The following CCDC50 variants were observed in gnomAD, a reference collection of about 807,000 sequenced individuals.
The protein encoded by CCDC50 is coiled-coil domain-containing protein 50.
In CCDC50, 54 loss-of-function variants were observed where a neutral mutation model predicts 70.2. That is an observed-to-expected ratio of 0.77 (90% CI 0.62 to 0.96). The LOEUF (loss-of-function observed/expected upper bound fraction) is 0.96, where lower values mean the gene tolerates loss of function less well. CCDC50 is among the 50% of genes least tolerant of loss of function. CCDC50 has a pLI of 0.00. For synonymous variants in CCDC50, 216 were observed against 198.8 expected (o/e 1.09, Z -0.73); for missense variants, 558 against 578.7 (o/e 0.96, Z 0.37).
intron 10 of CCDC50, among the ~76,000 whole-genome samples, chr3:191,388,647 C>T (rs541554122): frequency 3.1e-4 from 47 of 152,268 alleles, no homozygotes; most frequent in African/African-American, 1.1e-3. Flanking sequence ...TGACAGAGCC[C>T]ATTGTACCAA....
intron 1 of CCDC50, among the ~76,000 whole-genome samples, chr3:191,331,307 A>G (rs1256018259): frequency 1.3e-5 from 2 of 152,220 alleles, no homozygotes; most frequent in Non-Finnish European, 2.9e-5. Flanking sequence ...GTGAAAAAAC[A>G]TAAAACTCTT....
chr3:191,329,952 G>A (rs1023636180), intron 1 of CCDC50, among the ~76,000 whole-genome samples: 3 of 142,386 alleles, frequency 2.1e-5, no homozygotes, highest in Non-Finnish European at 3.1e-5. Context: ...TGGGGGGGGG[G>A]GGGGCTAGCA....
chr3:191,366,719 T>G (rs893961680), intron 4 of CCDC50, among the ~76,000 whole-genome samples: 3 of 152,084 alleles, frequency 2.0e-5, no homozygotes, highest in African/African-American at 7.2e-5. Flanking sequence ...ATATGCATCT[T>G]AAAGAGTTAT....
chr3:191,375,419 C>G lies in CCDC50; in HGVS notation c.806C>G (p.Ser269Cys). ...CAGACTCGAAATTGGGAAAAACAGTCTCGACACCAAGATCGACTTTCACCC... is the reference window on the plus strand; with the variant it reads ...CAGACTCGAAATTGGGAAAAACAGTGTCGACACCAAGATCGACTTTCACCC... ...NHQTRNWEKQ[S>C]RHQDRLSPKS... is the part of the protein sequence containing the mutation. Residue 269 changes from serine (S) to cysteine (C), a missense_variant, in exon 6 of 12, where the codon TCT (serine) becomes TGT (cysteine). By Grantham distance (112) the Ser-to-Cys change is moderately radical. Transcript: ENST00000392455. 6.2e-7 allele frequency: 1 copy of G among 1,613,758 alleles called. No individual in the cohort carries two copies. Among genetic ancestry groups the G allele is most frequent in the Non-Finnish European group, 8.5e-7 (1 of 1,179,846 alleles).
At chr3:191,357,230 TG>T (rs1239151752) in intron 2 of CCDC50, 80 bp downstream of exon 2, 9 of 1,108,980 alleles carry the variant, frequency 8.1e-6, no homozygotes, top group Non-Finnish European at 1.1e-5. Flanking sequence ...AGGGCTTAGG[TG>T]GGGAGAGAGC....
chr3:191,367,020 A>ACTTGTG (rs1395880248), intron 4 of CCDC50, among the ~76,000 whole-genome samples: 2 of 152,086 alleles, frequency 1.3e-5, no homozygotes, highest in Admixed American at 1.3e-4. Context: ...AGGAGAACGG[A>ACTTGTG]CTTGTGCTAA....
chr3:191,390,035 ATT>A (rs35432894), intron 11 of CCDC50, among the ~76,000 whole-genome samples: 1 of 150,930 alleles, frequency 6.6e-6, no homozygotes, highest in Non-Finnish European at 1.5e-5. Context: ...TAATTTCTGT[ATT>A]TTTTTTGTAG....
intron 1 of CCDC50, among the ~76,000 whole-genome samples, chr3:191,330,994 G>T (rs1206311626): frequency 6.6e-6 from 1 of 152,158 alleles, no homozygotes; most frequent in Non-Finnish European, 1.5e-5. Context: ...TGAAGACTTA[G>T]GGCTTTCACC....
At position 191,370,041 on chromosome 3, in the gene CCDC50, C is replaced by G. The variant is rs1036708407; in HGVS notation, c.448+5C>G. The G allele has an allele frequency of 5.9e-6, 9 of 1,521,870 alleles. No individual in the cohort carries two copies. Among genetic ancestry groups the G allele is most frequent in the Admixed American group, 1.7e-5 (1 of 59,840 alleles). The allele number at this position is 1,521,870 out of a possible 1,614,324, so 94.3% of individuals were successfully genotyped here. A position where few individuals can be genotyped will look rare whatever the true frequency, so the allele number is the denominator to read the frequency against. On this transcript the variant is annotated splice_donor_5th_base_variant and intron_variant, in intron 5 of 11. Coordinates refer to ENST00000392455, the MANE Select transcript of CCDC50 (RefSeq NM_178335.3). ...GTTACTATTATGAAGATGGAGGTAA[C>G]AATTCCTGCATCATGATCTATTCTA...
intron 4 of CCDC50, among the ~76,000 whole-genome samples, chr3:191,364,317 T>G (rs1460091657): frequency 2.0e-5 from 3 of 151,818 alleles, no homozygotes; most frequent in African/African-American, 7.3e-5. Flanking sequence ...TCCGCCCACC[T>G]CAGCCTCCCA....
chr3:191,340,596 A>G (rs903215839), intron 1 of CCDC50, among the ~76,000 whole-genome samples: 2 of 152,250 alleles, frequency 1.3e-5, no homozygotes, highest in Admixed American at 1.3e-4. Flanking sequence ...CTATAATTAC[A>G]TAATCTTCAC....
rs1304886281 is a variant in CCDC50 at position 191,347,452 on chromosome 3, C to T, written c.50-9636C>T. On this transcript the variant is annotated intron_variant, in intron 1 of 11. Coordinates refer to ENST00000392455, the MANE Select transcript of CCDC50 (RefSeq NM_178335.3). ...TATCTGCTTTAAATGCCACATAAATCCTAAGCACCCCGTTGCATTGTTTAG... is the reference window on the plus strand; with the variant it reads ...TATCTGCTTTAAATGCCACATAAATTCTAAGCACCCCGTTGCATTGTTTAG... 2.8e-5 allele frequency among the ~76,000 whole-genome samples: 4 copies of T among 141,786 alleles called. 1 individual carries two copies. Among genetic ancestry groups the T allele is most frequent in the Non-Finnish European group, 6.3e-5 (4 of 63,010 alleles). The allele number at this position is 141,786 out of a possible 152,430, so 93.0% of individuals were successfully genotyped here. A position where few individuals can be genotyped will look rare whatever the true frequency, so the allele number is the denominator to read the frequency against.
intron 7 of CCDC50, 136 bp from the exon 8 acceptor site, chr3:191,380,551 C>T (rs1255296336): frequency 2.3e-6 from 2 of 855,018 alleles, no homozygotes; most frequent in East Asian, 2.6e-5. Context: ...CTGGTGAAAG[C>T]ATACCAACTG....
At chr3:191,383,357 T>C (rs919854709) in intron 10 of CCDC50, among the ~76,000 whole-genome samples, 4 of 152,120 alleles carry the variant, frequency 2.6e-5, no homozygotes, top group Admixed American at 2.0e-4. Flanking sequence ...ATAATAGTTA[T>C]GGAGCAGCTG....
At chr3:191,365,544 T>C (rs548767579) in intron 4 of CCDC50, among the ~76,000 whole-genome samples, 2 of 152,294 alleles carry the variant, frequency 1.3e-5, no homozygotes, top group African/African-American at 4.8e-5. Flanking sequence ...ATCCATAGAA[T>C]TGGTATTTTC....
chr3:191,330,960 T>G (rs1717961999), intron 1 of CCDC50, among the ~76,000 whole-genome samples: 1 of 152,220 alleles, frequency 6.6e-6, no homozygotes, highest in African/African-American at 2.4e-5. Flanking sequence ...CTTTTCTACC[T>G]TTCCGTCCCT....
At chr3:191,331,407 C>A (rs1057358971) in intron 1 of CCDC50, among the ~76,000 whole-genome samples, 6 of 152,202 alleles carry the variant, frequency 3.9e-5, no homozygotes, top group African/African-American at 1.2e-4. Flanking sequence ...AGGAGTTCCA[C>A]AAACACCTTC....
chr3:191,339,321 C>T (rs760194352), intron 1 of CCDC50, among the ~76,000 whole-genome samples: 6 of 152,046 alleles, frequency 3.9e-5, no homozygotes, highest in Non-Finnish European at 5.9e-5. Flanking sequence ...TGCAGTGCTA[C>T]GAAAAACAAA....
chr3:191,389,561 G>T lies in CCDC50; in HGVS notation c.1388G>T (p.Ser463Ile). The change falls in exon 11 of 12, where the codon AGT becomes ATT. Residue 463 changes from serine to isoleucine, a missense_variant. Coordinates refer to ENST00000392455, the MANE Select transcript of CCDC50 (RefSeq NM_178335.3). ...TACACTCATTTTACAAACCAGCAGA[G>T]TTCCACACGGCATTTCTCAAAATCA... ...ADYTHFTNQQ[S>I]STRHFSKSES... is the part of the protein sequence containing the mutation. 6.2e-7 allele frequency: 1 copy of T among 1,614,040 alleles called. No homozygotes were observed. Among genetic ancestry groups the T allele is most frequent in the African/African-American group, 1.3e-5 (1 of 75,022 alleles).
Sources: gnomAD v4.1 joint callset for allele counts (sites outside exome capture counted in the v4.1 genomes callset) on GRCh38, gnomAD v4.1.1 for gene constraint, MANE v1.5 for transcripts, NCBI Gene and HGNC (gene_info 2026-07-23, HGNC 2026-07-21) for gene names.